Variants in PLAC1 observed in about 807,000 individuals in gnomAD.
The protein encoded by PLAC1 is placenta-specific protein 1.
For synonymous variants in PLAC1, 68 were observed against 62.1 expected (o/e 1.09, Z -0.44); for missense variants, 136 against 163.2 (o/e 0.83, Z 0.91).
chrX:134,744,615 A>G (rs2078725179), intron 1 of PLAC1, among the ~76,000 whole-genome samples: 1 of 112,074 alleles, frequency 8.9e-6, no homozygotes, highest in African/African-American at 3.2e-5. Flanking sequence ...GTTTTTGTCC[A>G]TCGGAATAAC....
At chrX:134,761,977 T>C (rs1189086579) in intron 1 of PLAC1, among the ~76,000 whole-genome samples, 2 of 111,876 alleles carry the variant, frequency 1.8e-5, no homozygotes, top group African/African-American at 6.5e-5. Context: ...CGAGAACTTT[T>C]GAAGCGCCCT....
At chrX:134,663,467 T>C (rs1049896765), upstream of PLAC1, among the ~76,000 whole-genome samples, 2 of 112,867 alleles carry the variant, frequency 1.8e-5, no homozygotes, top group African/African-American at 6.4e-5. Flanking sequence ...CGCGTGCACG[T>C]GTGCACACGT....
intron 1 of PLAC1, among the ~76,000 whole-genome samples, chrX:134,610,429 G>T (rs1254026385): frequency 9.0e-6 from 1 of 110,852 alleles, no homozygotes; most frequent in Non-Finnish European, 1.9e-5. Context: ...CAGTATCATT[G>T]CAAAGCTTCC....
upstream of PLAC1, among the ~76,000 whole-genome samples, chrX:134,658,846 C>T (rs1173767606): frequency 8.9e-6 from 1 of 111,909 alleles, no homozygotes; most frequent in Non-Finnish European, 1.9e-5. Context: ...GGCAGTCTTT[C>T]GTGTCTTTAC....
At chrX:134,678,293 C>T (rs1602901235) in intron 2 of PLAC1, among the ~76,000 whole-genome samples, 1 of 111,984 alleles carries the variant, frequency 8.9e-6, no homozygotes, top group East Asian at 2.8e-4. Context: ...TTTCCTGCCA[C>T]TCTTCTGGTC....
At chrX:134,652,570 A>T (rs1279880723) in intron 1 of PLAC1, among the ~76,000 whole-genome samples, 3 of 111,666 alleles carry the variant, frequency 2.7e-5, no homozygotes. Flanking sequence ...GGCTTGGGTG[A>T]GGAAAAGTAA....
chrX:134,679,610 C>T lies in PLAC1; in HGVS notation n.174+53825G>A, dbSNP rs973274456. On this transcript the variant is annotated intron_variant and non_coding_transcript_variant, in intron 2 of 2. Coordinates refer to the PLAC1 transcript ENST00000466797. ...GGATGCTGCTACACATTCTACAGTGCAATGTGTGGTAATAATTTGTAATGA... is the reference window on the plus strand; with the variant it reads ...GGATGCTGCTACACATTCTACAGTGTAATGTGTGGTAATAATTTGTAATGA... Among the ~76,000 whole-genome samples, 8 of 111,426 alleles carry T rather than the reference C, an allele frequency of 7.2e-5. 1 individual carries two copies. In the South Asian group the frequency reaches 1.9e-3, roughly 27 times the overall value.
chrX:134,650,428 A>C (rs911063547), intron 1 of PLAC1, among the ~76,000 whole-genome samples: 1 of 111,021 alleles, frequency 9.0e-6, no homozygotes, highest in African/African-American at 3.3e-5. Context: ...TTTTATTACA[A>C]GGGTAAACAA....
At chrX:134,750,533 C>A (rs1602950631) in intron 1 of PLAC1, among the ~76,000 whole-genome samples, 1 of 108,795 alleles carries the variant, frequency 9.2e-6, no homozygotes, top group Non-Finnish European at 1.9e-5. Context: ...TTCCTAAATA[C>A]TAAGTTACTG....
At chrX:134,566,835 C>T (rs1288306702) in intron 2 of PLAC1, 95 bp from the exon 3 acceptor site, 10 of 436,046 alleles carry the variant, frequency 2.3e-5, no homozygotes, top group African/African-American at 9.7e-5. Flanking sequence ...GTTCCTAAAG[C>T]ATTAAGAAGA....
At chrX:134,638,863 G>A (rs959531095) in intron 1 of PLAC1, among the ~76,000 whole-genome samples, 1 of 111,170 alleles carries the variant, frequency 9.0e-6, no homozygotes, top group African/African-American at 3.3e-5. Context: ...GGAGTTTGGT[G>A]TACAGATTAT....
At chrX:134,750,134 T>A (rs931638042) in intron 1 of PLAC1, among the ~76,000 whole-genome samples, 1 of 112,231 alleles carries the variant, frequency 8.9e-6, no homozygotes, top group Non-Finnish European at 1.9e-5. Context: ...TGGGATATAC[T>A]CAAACATAAC....
rs766626696 is a variant in PLAC1 at position 134,578,515 on chromosome X, CTTTTTT to C, written c.-58-11781_-58-11776del. On this transcript the variant is annotated intron_variant, in intron 2 of 2. Coordinates refer to ENST00000359237, the MANE Select transcript of PLAC1 (RefSeq NM_021796.4). ...CAGTGGAAATGGTCTTTCTTTCTTT[CTTTTTT>C]TTTTTTTTTTTTTTTTGACATAGGG... Among the ~76,000 whole-genome samples the C allele has an allele frequency of 8.9e-3, 499 of 55,971 alleles. 2 individuals are homozygous for C. The highest frequency in any genetic ancestry group is 0.031 in the African/African-American group (443 of 14,406). The allele number at this position is 55,971 out of a possible 115,157, so 48.6% of individuals were successfully genotyped here.
At chrX:134,567,685 G>A (rs2077883914) in intron 2 of PLAC1, among the ~76,000 whole-genome samples, 1 of 107,518 alleles carries the variant, frequency 9.3e-6, no homozygotes, top group South Asian at 4.2e-4. Context: ...TTGAGCCTTG[G>A]AGGTTGAGGC....
chrX:134,737,623 C>T (rs1172296634), intron 1 of PLAC1, among the ~76,000 whole-genome samples: 2 of 112,286 alleles, frequency 1.8e-5, no homozygotes, highest in Admixed American at 1.9e-4. Flanking sequence ...ATGCACCTGC[C>T]CCTAATTGGG....
chrX:134,603,315 T>TATATA (rs2078105527), intron 1 of PLAC1, among the ~76,000 whole-genome samples: 1 of 8,557 alleles, frequency 1.2e-4, no homozygotes, highest in Admixed American at 2.0e-3. Context: ...ATATATATAT[T>TATATA]TTTTTTTTTT....
chrX:134,734,246 G>A (rs1373791926), intron 1 of PLAC1, among the ~76,000 whole-genome samples: 1 of 112,803 alleles, frequency 8.9e-6, no homozygotes, highest in African/African-American at 3.2e-5. Flanking sequence ...CTCCATCCAG[G>A]GCAAACTTCC....
intron 2 of PLAC1, among the ~76,000 whole-genome samples, chrX:134,576,133 A>G (rs1398754990): frequency 2.8e-5 from 3 of 108,871 alleles, no homozygotes; most frequent in Non-Finnish European, 5.7e-5. Flanking sequence ...CTATCTATGT[A>G]TTCTATATCT....
chrX:134,718,844 C>T (rs771032077), intron 2 of PLAC1, among the ~76,000 whole-genome samples: 3 of 112,025 alleles, frequency 2.7e-5, no homozygotes, highest in Non-Finnish European at 5.6e-5. Context: ...TGAAAGATTG[C>T]CCTCTTCCTT....
Sources: allele counts gnomAD v4.1 joint callset (sites outside exome capture counted in the v4.1 genomes callset), GRCh38; gene constraint gnomAD v4.1.1; transcripts MANE v1.5; gene names NCBI Gene and HGNC (gene_info 2026-07-23, HGNC 2026-07-21).